The following EMC2 variants were observed in gnomAD, a reference collection of about 807,000 sequenced individuals.
The protein encoded by EMC2 is ER membrane protein complex subunit 2.
In EMC2, 37 loss-of-function variants were observed where a neutral mutation model predicts 51.6. That is an observed-to-expected ratio of 0.72 (90% CI 0.55 to 0.94). The LOEUF is 0.94. Ranked by LOEUF, EMC2 falls within the 40% of genes least tolerant of loss-of-function variation. The probability of loss-of-function intolerance (pLI) is 0.00; values close to 1 mark genes in which losing one functional copy is unlikely to be tolerated. For missense variants in EMC2, 359 were observed against 350.9 expected, an observed-to-expected ratio of 1.02 and a Z score of -0.18; for synonymous variants, 131 against 112.4, an observed-to-expected ratio of 1.17 and a Z score of -1.04.
rs139957133 is a variant in EMC2 at position 108,479,990 on chromosome 8, C to T, written c.807+880C>T. ...ATCATAAGTGACTTGTCTGGTTACGCAAAGGAATTTTTTCTTTATCTTTAA... is the reference window on the plus strand; with the variant it reads ...ATCATAAGTGACTTGTCTGGTTACGTAAAGGAATTTTTTCTTTATCTTTAA... On this transcript the variant is annotated intron_variant, in intron 10 of 10. Transcript: ENST00000220853. Among the ~76,000 whole-genome samples, 6 of 152,168 alleles carry T rather than the reference C, an allele frequency of 3.9e-5. No individual in the cohort carries two copies. The East Asian group carries it at 1.2e-3, about 29-fold the overall frequency.
At chr8:108,478,984 T>C (rs1379763826) in intron 9 of EMC2, 22 bp from the exon 10 acceptor site, 1 of 1,469,516 alleles carries the variant, frequency 6.8e-7, no homozygotes, top group Non-Finnish European at 9.2e-7. Flanking sequence ...ATTTTGCTTT[T>C]GATGTTTTTA....
chr8:108,450,270 T>C (rs1412872449), intron 2 of EMC2, among the ~76,000 whole-genome samples, 158 bp from the exon 3 acceptor site: 1 of 152,198 alleles, frequency 6.6e-6, no homozygotes, highest in South Asian at 2.1e-4. Context: ...TGCTGAAACA[T>C]GTAAGAATGC....
intron 5 of EMC2, among the ~76,000 whole-genome samples, chr8:108,466,807 G>C (rs1438945690): frequency 1.3e-5 from 2 of 152,042 alleles, no homozygotes; most frequent in Non-Finnish European, 2.9e-5. Context: ...AGACCCAGAA[G>C]CCACAAGAAG....
intron 10 of EMC2, among the ~76,000 whole-genome samples, chr8:108,480,185 G>A (rs1394604621): frequency 1.3e-5 from 2 of 152,086 alleles, no homozygotes; most frequent in South Asian, 4.2e-4. Flanking sequence ...CAGGGTTTCA[G>A]TAATACGTGT....
chr8:108,480,078 A>T (rs1811019482), intron 10 of EMC2, among the ~76,000 whole-genome samples: 1 of 152,164 alleles, frequency 6.6e-6, no homozygotes, highest in South Asian at 2.1e-4. Flanking sequence ...TCCCAAATAC[A>T]CAGTACACCC....
chr8:108,450,976 C>T (rs1819003560), intron 3 of EMC2, among the ~76,000 whole-genome samples: 1 of 152,104 alleles, frequency 6.6e-6, no homozygotes, highest in Admixed American at 6.5e-5. Context: ...CCGAGGCAGG[C>T]AGACCACCTG....
At chr8:108,449,389 C>G (rs1818961888) in intron 1 of EMC2, among the ~76,000 whole-genome samples, 1 of 152,010 alleles carries the variant, frequency 6.6e-6, no homozygotes, top group African/African-American at 2.4e-5. Context: ...TCTCCTGCCT[C>G]AGCCTCCTGA....
intron 3 of EMC2, among the ~76,000 whole-genome samples, chr8:108,451,366 GTTA>G (rs998814514): frequency 2.6e-5 from 4 of 151,592 alleles, no homozygotes; most frequent in Non-Finnish European, 5.9e-5. Context: ...TGTGTTTGAT[GTTA>G]TTATTATATT....
At chr8:108,451,223 TCAAA>T (rs1255538682) in intron 3 of EMC2, among the ~76,000 whole-genome samples, 4 of 115,512 alleles carry the variant, frequency 3.5e-5, no homozygotes, top group Admixed American at 7.9e-5. Flanking sequence ...AAGAAAAAAA[TCAAA>T]CAAACCTAAT....
At chr8:108,457,331 C>CGTGCGTGT in intron 5 of EMC2, among the ~76,000 whole-genome samples, 1 of 128,086 alleles carries the variant, frequency 7.8e-6, no homozygotes, top group East Asian at 2.2e-4. Flanking sequence ...CGTGTGTGTG[C>CGTGCGTGT]GTGTGTGTGT....
At chr8:108,459,769 G>C (rs548385458) in intron 5 of EMC2, among the ~76,000 whole-genome samples, 1 of 149,834 alleles carries the variant, frequency 6.7e-6, no homozygotes, top group South Asian at 2.1e-4. Flanking sequence ...TTTTGTTCTA[G>C]ATAGCTGAGA....
Position 108,487,388 on chromosome 8 carries a change from A to T in EMC2, c.*790A>T, listed in dbSNP as rs1419581930. 6.6e-6 allele frequency among the ~76,000 whole-genome samples: 1 copy of T among 152,028 alleles called. No individual in the cohort carries two copies. Among genetic ancestry groups the T allele is most frequent in the Non-Finnish European group, 1.5e-5 (1 of 67,944 alleles). The stretch of plus-strand genomic sequence containing the variant: ...GTTATTTTTAATTTTGAAAAAAATA[A>T]GAAAATTAAAACTATCCTTAGAAAC... On this transcript the variant is annotated 3_prime_UTR_variant, in exon 11 of 11. Transcript: ENST00000220853.
intron 4 of EMC2, among the ~76,000 whole-genome samples, chr8:108,455,594 T>C (rs1470124331): frequency 6.6e-6 from 1 of 152,174 alleles, no homozygotes; most frequent in Admixed American, 6.5e-5. Context: ...TAGTTTTTAC[T>C]TTTGTACTTT....
chr8:108,457,723 G>A (rs530412348), intron 5 of EMC2, among the ~76,000 whole-genome samples: 24 of 152,238 alleles, frequency 1.6e-4, no homozygotes, highest in Non-Finnish European at 2.4e-4. Flanking sequence ...TGTGAATTGT[G>A]GAAGTTACAA....
At chr8:108,483,405 G>C (rs953795185) in intron 10 of EMC2, among the ~76,000 whole-genome samples, 1 of 151,982 alleles carries the variant, frequency 6.6e-6, no homozygotes, top group African/African-American at 2.4e-5. Context: ...TCCCCCACTG[G>C]GAGACAGACA....
At position 108,487,824 on chromosome 8, in the gene EMC2, TTCA is replaced by T. The variant is rs1225735108; in HGVS notation, c.*1228_*1230del. On this transcript the variant is annotated 3_prime_UTR_variant, in exon 11 of 11. Transcript: ENST00000220853. ...TTATTCTCCATATCTAGTCTAATCT[TTCA>T]TATTACAGTCATTTTCGTTTTATTC... Among the ~76,000 whole-genome samples the T allele has an allele frequency of 6.6e-6, 1 of 152,134 alleles. No homozygotes were observed. Among genetic ancestry groups the T allele is most frequent in the East Asian group, 1.9e-4 (1 of 5,192 alleles).
At chr8:108,469,765 C>A in intron 5 of EMC2, 61 bp from the exon 6 acceptor site, 11 of 1,398,234 alleles carry the variant, frequency 7.9e-6, no homozygotes, top group Non-Finnish European at 1.0e-5. Flanking sequence ...GTCAAATTAC[C>A]TTCTTTACAA....
rs1303802786 is a variant in EMC2, at chr8:108,488,304, G to C, written c.*1706G>C. 1.3e-5 allele frequency among the ~76,000 whole-genome samples: 2 copies of C among 152,020 alleles called. No individual in the cohort carries two copies. Among genetic ancestry groups the C allele is most frequent in the Admixed American group, 1.3e-4 (2 of 15,270 alleles). ...AGCCTCTGAGTAGCTGGGACTACAGGCATGTGCCACCATGCCTGGCTAATT... is the reference window on the plus strand; with the variant it reads ...AGCCTCTGAGTAGCTGGGACTACAGCCATGTGCCACCATGCCTGGCTAATT... On this transcript the variant is annotated 3_prime_UTR_variant, in exon 11 of 11. Coordinates refer to ENST00000220853, the MANE Select transcript of EMC2 (RefSeq NM_014673.5).
rs954468803 is a variant in EMC2 at position 108,486,687 on chromosome 8, T to C, written c.*89T>C. The C allele has an allele frequency of 5.5e-6, 7 of 1,280,788 alleles. No individual in the cohort carries two copies. The highest frequency in any genetic ancestry group is 2.7e-5 in the Admixed American group (1 of 37,470). The allele number at this position is 1,280,788 out of a possible 1,614,324, so 79.3% of individuals were successfully genotyped here. A position where few individuals can be genotyped will look rare whatever the true frequency, so the allele number is the denominator to read the frequency against. On this transcript the variant is annotated 3_prime_UTR_variant, in exon 11 of 11. Transcript: ENST00000220853. ...TTATTTACTAAATGCTCAGTGCTAT[T>C]TATATACTACAGTAATTTTCTGTTA... is the stretch of plus-strand genomic sequence containing the variant.
Sources: gnomAD v4.1 joint callset for allele counts (sites outside exome capture counted in the v4.1 genomes callset) on GRCh38, gnomAD v4.1.1 for gene constraint, MANE v1.5 for transcripts, NCBI Gene and HGNC (gene_info 2026-07-23, HGNC 2026-07-21) for gene names.